The following MSRA variants were observed in gnomAD, a reference collection of about 807,000 sequenced individuals.
MSRA encodes methionine sulfoxide reductase A.
In MSRA, 54 loss-of-function variants were observed where a neutral mutation model predicts 31.3. The observed-to-expected ratio is 1.73, with a 90% confidence interval of 1.39 to 2.17. The LOEUF (loss-of-function observed/expected upper bound fraction) is 2.17, where lower values mean the gene tolerates loss of function less well. Ranked by LOEUF, MSRA falls within the 30% of genes most tolerant of loss-of-function variation. The pLI is 0.00. For missense variants in MSRA, 507 were observed against 300.9 expected (o/e 1.69, Z -5.07); for synonymous variants, 169 against 116.5 (o/e 1.45, Z -2.90).
At chr8:10,355,183 C>T (rs1232615546) in intron 5 of MSRA, among the ~76,000 whole-genome samples, 2 of 152,190 alleles carry the variant, frequency 1.3e-5, no homozygotes, top group South Asian at 2.1e-4. Flanking sequence ...TTTCCAGTGC[C>T]GCCTCTTCCT....
chr8:10,297,492 GCA>G (rs1800609292), intron 3 of MSRA, among the ~76,000 whole-genome samples: 3 of 152,318 alleles, frequency 2.0e-5, no homozygotes, highest in Admixed American at 2.0e-4. Context: ...ATCTCTGGAA[GCA>G]CAAGAAAGTA....
rs1281005313 is a variant in MSRA, at chr8:10,149,977, T to C, written c.143-57856T>C. 1.3e-4 allele frequency among the ~76,000 whole-genome samples: 6 copies of C among 47,400 alleles called. No individual in the cohort carries two copies. In the Admixed American group the frequency reaches 1.3e-3, roughly 10 times the overall value. The allele number at this position is 47,400 out of a possible 152,430, so 31.1% of individuals were successfully genotyped here. ...GCTGGTAAGTGCTGTTTTTTCCTCC[T>C]GAATTTAGTTAAACCACCAAGGGAG... On this transcript the variant is annotated intron_variant, in intron 1 of 5. Coordinates refer to ENST00000317173, the MANE Select transcript of MSRA (RefSeq NM_012331.5).
intron 5 of MSRA, among the ~76,000 whole-genome samples, chr8:10,404,179 A>G (rs1298275091): frequency 6.6e-6 from 1 of 152,092 alleles, no homozygotes; most frequent in Non-Finnish European, 1.5e-5. Flanking sequence ...TGGAGAGGTC[A>G]CCTCATTTCC....
At chr8:10,241,993 C>T (rs1797350608) in intron 2 of MSRA, among the ~76,000 whole-genome samples, 1 of 152,150 alleles carries the variant, frequency 6.6e-6, no homozygotes, top group Admixed American at 6.5e-5. Flanking sequence ...TAAAGACAGC[C>T]GGATGTGGTG....
At position 10,373,526 on chromosome 8, in the gene MSRA, C is replaced by T. The variant is rs1348706742; in HGVS notation, c.543+53537C>T. Among the ~76,000 whole-genome samples, 13 of 152,266 alleles carry T rather than the reference C, an allele frequency of 8.5e-5. No homozygotes were observed. In the East Asian group the frequency reaches 2.3e-3, roughly 27 times the overall value. On this transcript the variant is annotated intron_variant, in intron 5 of 5. Coordinates refer to ENST00000317173, the MANE Select transcript of MSRA (RefSeq NM_012331.5). The stretch of plus-strand genomic sequence containing the variant: ...TGCTGGGATGACAGGCATGAGCTAC[C>T]TTGCCCAGCTACTGACTGGTACTTT...
chr8:10,284,340 C>T lies in MSRA; in HGVS notation c.332-17194C>T, dbSNP rs143685955. On this transcript the variant is annotated intron_variant, in intron 3 of 5. Transcript: ENST00000317173. ...AATAGCTGGGACTATAGGCGCCCGC[C>T]ACCACACCCGGCTAATTTTTTTTTG... 2.3e-3 allele frequency among the ~76,000 whole-genome samples: 345 copies of T among 152,182 alleles called. 9 individuals carry two copies. The East Asian group carries it at 0.058, about 26-fold the overall frequency.
At chr8:10,075,431 G>C (rs1296496326) in intron 1 of MSRA, among the ~76,000 whole-genome samples, 2 of 152,208 alleles carry the variant, frequency 1.3e-5, no homozygotes, top group African/African-American at 4.8e-5. Context: ...GACTGTGTAT[G>C]TGTGTCCAGT....
chr8:10,058,052 A>T (rs770611442), intron 1 of MSRA, among the ~76,000 whole-genome samples: 1 of 152,242 alleles, frequency 6.6e-6, no homozygotes, highest in Non-Finnish European at 1.5e-5. Flanking sequence ...CTTTAAAATA[A>T]CTTTGACAAG....
intron 1 of MSRA, among the ~76,000 whole-genome samples, chr8:10,103,683 A>T (rs958693851): frequency 1.3e-5 from 2 of 152,158 alleles, no homozygotes; most frequent in Non-Finnish European, 2.9e-5. Flanking sequence ...TCAGCTGTTT[A>T]TTCCAATAGA....
chr8:10,095,642 G>A, intron 1 of MSRA: 5 of 994,050 alleles, frequency 5.0e-6, no homozygotes, highest in Non-Finnish European at 6.0e-6. Flanking sequence ...AGTCAAATCA[G>A]CTTCTTTTGT....
intron 1 of MSRA, chr8:10,096,352 G>C: frequency 9.8e-7 from 1 of 1,025,418 alleles, no homozygotes; most frequent in Non-Finnish European, 1.2e-6. Flanking sequence ...GTGTGTCTTT[G>C]CTCTGAACCA....
intron 1 of MSRA, among the ~76,000 whole-genome samples, chr8:10,131,058 A>G (rs926780456): frequency 2.6e-5 from 4 of 152,220 alleles, no homozygotes; most frequent in African/African-American, 7.2e-5. Context: ...AAGTTATCAG[A>G]AAGGACACAT....
Position 10,355,795 on chromosome 8 carries a change from A to G in MSRA, c.543+35806A>G, listed in dbSNP as rs1254734024. On this transcript the variant is annotated intron_variant, in intron 5 of 5. Transcript: ENST00000317173. Reference sequence around the variant, plus strand: ...GGGTCTAGCCAGGAAGATATGCCATATCAGGGAGGCCCAGCCCTCAGGGGA... The same window carrying G: ...GGGTCTAGCCAGGAAGATATGCCATGTCAGGGAGGCCCAGCCCTCAGGGGA... 2.0e-5 allele frequency among the ~76,000 whole-genome samples: 3 copies of G among 152,158 alleles called. No individual in the cohort carries two copies. In the East Asian group the frequency reaches 5.8e-4, roughly 29 times the overall value.
intron 1 of MSRA, among the ~76,000 whole-genome samples, chr8:10,172,910 G>A (rs1287997429): frequency 6.6e-6 from 1 of 152,174 alleles, no homozygotes; most frequent in Non-Finnish European, 1.5e-5. Context: ...TGTGAGAAGG[G>A]GACAGATGGG....
intron 1 of MSRA, among the ~76,000 whole-genome samples, chr8:10,125,361 G>C (rs775975613): frequency 6.6e-6 from 1 of 152,204 alleles, no homozygotes; most frequent in Non-Finnish European, 1.5e-5. Context: ...AGTGAGCCCA[G>C]GTAGTCACAG....
At chr8:10,114,425 A>T (rs1314610079) in intron 1 of MSRA, among the ~76,000 whole-genome samples, 1 of 152,230 alleles carries the variant, frequency 6.6e-6, no homozygotes, top group Admixed American at 6.5e-5. Context: ...GTTTTTCACA[A>T]TAGCTGCATC....
At chr8:10,092,474 T>G (rs925586059) in intron 1 of MSRA, among the ~76,000 whole-genome samples, 7 of 152,048 alleles carry the variant, frequency 4.6e-5, no homozygotes, top group African/African-American at 1.7e-4. Context: ...CTGGCCAACA[T>G]GTGTGAAACC....
At chr8:10,298,812 A>T (rs943513456) in intron 3 of MSRA, among the ~76,000 whole-genome samples, 1 of 152,088 alleles carries the variant, frequency 6.6e-6, no homozygotes, top group African/African-American at 2.4e-5. Flanking sequence ...TGGCTTGTGT[A>T]TTTCTTATAA....
chr8:10,428,833 T>G lies in MSRA; in HGVS notation c.*521T>G, dbSNP rs1308416989. On this transcript the variant is annotated 3_prime_UTR_variant, in exon 6 of 6. Transcript: ENST00000317173. ...AGTCCGCTTGATGAATTCTAATGCT[T>G]TGCTTAGAGCTATGAGAAATGTTTG... is the stretch of plus-strand genomic sequence containing the variant. 1 of 157,702 alleles carries G rather than the reference T, an allele frequency of 6.3e-6. No homozygotes were observed. Among genetic ancestry groups the G allele is most frequent in the Non-Finnish European group, 1.4e-5 (1 of 72,262 alleles). The allele number at this position is 157,702 out of a possible 1,614,324, so 9.8% of individuals were successfully genotyped here.
Sources: allele counts gnomAD v4.1 joint callset (sites outside exome capture counted in the v4.1 genomes callset), GRCh38; gene constraint gnomAD v4.1.1; transcripts MANE v1.5; gene names NCBI Gene and HGNC (gene_info 2026-07-23, HGNC 2026-07-21).